AKNA: variants seen among roughly 807,000 people sequenced by gnomAD.
The protein encoded by AKNA is microtubule organization protein AKNA.
A neutral mutation model predicts 138.8 loss-of-function variants in AKNA; 67 were observed. The observed-to-expected ratio is 0.48, with a 90% CI of 0.40 to 0.59. The LOEUF is 0.59. AKNA is among the 20% of genes least tolerant of loss of function. The pLI is 0.00. For missense variants in AKNA, 1,813 were observed against 1,880.4 expected (o/e 0.96, Z 0.66); for synonymous variants, 737 against 754.4 (o/e 0.98, Z 0.38).
chr9:114,379,501 C>G (rs942656585), intron 2 of AKNA, among the ~76,000 whole-genome samples: 1 of 152,194 alleles, frequency 6.6e-6, no homozygotes, highest in African/African-American at 2.4e-5. Flanking sequence ...AATGGCTCCT[C>G]AGTGGGCAGT....
At chr9:114,331,633 C>T (rs1829853714), downstream of AKNA, 1 of 1,613,920 alleles carries the variant, frequency 6.2e-7, no homozygotes, top group Non-Finnish European at 8.5e-7. Context: ...ATGTTTGGTT[C>T]CTACCTGGAC....
chr9:114,350,869 C>T lies in AKNA; in HGVS notation c.3211G>A (p.Ala1071Thr). The T allele has an allele frequency of 6.4e-7, 1 of 1,574,574 alleles. No homozygotes were observed. Among genetic ancestry groups the T allele is most frequent in the Non-Finnish European group, 8.6e-7 (1 of 1,160,454 alleles). The change falls in exon 15 of 22, where the codon GCA becomes ACA. Residue 1071 changes from alanine (A) to threonine (T), a missense_variant. Ala to Thr is a moderately conservative substitution (Grantham distance 58). Transcript: ENST00000374088. ...AAGTGTCTAACTTACTCTCGCCCTGCCCTGGTGAGCAGGAAGCTGGGGATG... is the reference window on the plus strand; with the variant it reads ...AAGTGTCTAACTTACTCTCGCCCTGTCCTGGTGAGCAGGAAGCTGGGGATG... ...ETIPSFLLTR[A>T]GRDQAICELQ...
rs1363804067 is a variant in AKNA at position 114,337,204 on chromosome 9, G to A, written c.4170C>T (p.Leu1390=). 9 of 1,592,746 alleles carry A rather than the reference G, an allele frequency of 5.7e-6. No individual in the cohort carries two copies. Among genetic ancestry groups the A allele is most frequent in the Middle Eastern group, 1.7e-4 (1 of 5,946 alleles). Reference sequence around the variant, plus strand: ...TGAGCTCCTCTAGGTCGCCCAGGTCGAGCTGGATGGAGTGCCGGTGTCTCC... The same window carrying A: ...TGAGCTCCTCTAGGTCGCCCAGGTCAAGCTGGATGGAGTGCCGGTGTCTCC... ...PARRHRHSIQ[L]DLGDLEELNK... is the part of the protein sequence containing the mutation. The change falls in exon 22 of 22, where the codon CTC becomes CTT. Residue 1390 remains leucine, a synonymous_variant. Coordinates refer to ENST00000374088, the MANE Select transcript of AKNA (RefSeq NM_001317950.2).
chr9:114,341,651 AC>A lies in AKNA; in HGVS notation c.3948del (p.Ser1317ArgfsTer79). The A allele has an allele frequency of 5.0e-6, 8 of 1,608,886 alleles. No individual in the cohort carries two copies. The highest frequency in any genetic ancestry group is 6.8e-6 in the Non-Finnish European group (8 of 1,178,160). ...AGTCCGGGGGGTGGGCGTGGCGACGACCCCGCCTGCTTGCTCCTCTGCTTGG... is the reference window on the plus strand; with the variant it reads ...AGTCCGGGGGGTGGGCGTGGCGACGACCCGCCTGCTTGCTCCTCTGCTTGG... ...PSPKQRSKQA[G>X]SSPRPPPGLW... On this transcript the variant is annotated frameshift_variant, in exon 21 of 22. Transcript: ENST00000374088. LOFTEE classifies it high-confidence loss of function.
At chr9:114,357,887 G>A (rs1455375857) in intron 12 of AKNA, 34 bp downstream of exon 12, 1 of 1,588,566 alleles carries the variant, frequency 6.3e-7, no homozygotes. Context: ...ATGACCCTGA[G>A]GTTCTGGGCC....
In AKNA at chr9:114,364,581, G is replaced by A. The variant is rs1832203650; in HGVS notation, c.1767C>T (p.Leu589=). The change falls in exon 7 of 22, where the codon CTC becomes CTT. Residue 589 remains leucine, a synonymous_variant. Coordinates refer to ENST00000374088, the MANE Select transcript of AKNA (RefSeq NM_001317950.2). ...GTACCTTGACTTGGTCCTGGGGCAT[G>A]AGACGTCCTGCCTGTATCAGTCTTT... The part of the protein sequence containing the change: ...SFERLIQAGR[L]MPQDQVKGFQ... The A allele has an allele frequency of 1.2e-6, 2 of 1,613,844 alleles. No homozygotes were observed. Among genetic ancestry groups the A allele is most frequent in the African/African-American group, 1.3e-5 (1 of 74,934 alleles).
chr9:114,362,643 C>A lies in AKNA; in HGVS notation c.1789-110G>T. ...CGGGAGGCCATGGGATGCACCTGGG[C>A]CCCTGGGTTCATGCAAGATACAGGC... On this transcript the variant is annotated intron_variant, in intron 7 of 21. Transcript: ENST00000374088. 3 of 1,367,850 alleles carry A rather than the reference C, an allele frequency of 2.2e-6. No homozygotes were observed. In the South Asian group the frequency reaches 4.6e-5, roughly 21 times the overall value. 84.7% of individuals were successfully genotyped at this position (1,367,850 alleles called of 1,614,324 possible).
At chr9:114,330,993 C>G (rs536533540), downstream of AKNA, 105 of 698,334 alleles carry the variant, frequency 1.5e-4, 1 homozygote, top group South Asian at 1.4e-3. Flanking sequence ...TGAGCTCTTA[C>G]CACGTGCTCA....
chr9:114,347,464 C>T (rs1246998493), intron 16 of AKNA, among the ~76,000 whole-genome samples: 2 of 152,166 alleles, frequency 1.3e-5, no homozygotes, highest in Non-Finnish European at 2.9e-5. Flanking sequence ...GTCATCTTCC[C>T]GCCTCGGCCT....
intron 1 of AKNA, among the ~76,000 whole-genome samples, chr9:114,387,085 T>C (rs1323120454): frequency 6.6e-6 from 1 of 152,120 alleles, no homozygotes; most frequent in East Asian, 1.9e-4. Context: ...ACCGCAACTC[T>C]GAAACCAAGG....
In AKNA at chr9:114,342,065, A is replaced by G. The variant is rs1312362193; in HGVS notation, c.3818T>C (p.Leu1273Pro). 7 of 1,613,740 alleles carry G rather than the reference A, an allele frequency of 4.3e-6. No homozygotes were observed. The Admixed American group carries it at 5.0e-5, about 12-fold the overall frequency. Reference sequence around the variant, plus strand: ...TGGGGGAGACCCAACTTGACCACACAGGGGACACTGAAGGGTATCAGCGGG... The same window carrying G: ...TGGGGGAGACCCAACTTGACCACACGGGGGACACTGAAGGGTATCAGCGGG... The part of the protein sequence containing the change: ...PPPADTLQCP[L>P]CGQVGSPPEA... Residue 1273 changes from leucine to proline, a missense_variant, in exon 20 of 22, where the codon CTG becomes CCG. Transcript: ENST00000374088.
At chr9:114,332,318 C>T (rs533489982), downstream of AKNA, among the ~76,000 whole-genome samples, 4 of 152,274 alleles carry the variant, frequency 2.6e-5, no homozygotes, top group East Asian at 3.9e-4. Flanking sequence ...GGAATTGATA[C>T]TGTGGTTTTC....
Position 114,341,577 on chromosome 9 carries a change from G to C in AKNA, c.4023C>G (p.Ala1341=). 1 of 1,614,140 alleles carries C rather than the reference G, an allele frequency of 6.2e-7. No individual in the cohort carries two copies. Among genetic ancestry groups the C allele is most frequent in the Non-Finnish European group, 8.5e-7 (1 of 1,180,020 alleles). The part of the protein sequence containing the change: ...APPAPAPPAF[A]YISSVPIMPY... ...GCATGATGGGAACCGAGGAGATGTAGGCAAAGGCTGGAGGGGCTGGTGCTG... is the reference window on the plus strand; with the variant it reads ...GCATGATGGGAACCGAGGAGATGTACGCAAAGGCTGGAGGGGCTGGTGCTG... Residue 1341 remains alanine (A), a synonymous_variant, in exon 21 of 22, where the codon GCC becomes GCG. Coordinates refer to ENST00000374088, the MANE Select transcript of AKNA (RefSeq NM_001317950.2).
rs1364069463 is a variant in AKNA, at chr9:114,347,998, A to G, written c.3222-98T>C. 6 of 1,303,304 alleles carry G rather than the reference A, an allele frequency of 4.6e-6. No individual in the cohort carries two copies. In the East Asian group the frequency reaches 1.6e-4, roughly 35 times the overall value. 80.7% of individuals were successfully genotyped at this position (1,303,304 alleles called of 1,614,324 possible). On this transcript the variant is annotated intron_variant, in intron 15 of 21. Coordinates refer to ENST00000374088, the MANE Select transcript of AKNA (RefSeq NM_001317950.2). ...AGGATGCGGCAGCCTTTGTCCCTTC[A>G]CAGCAGGCACAGGGTCTATCTCTGC...
upstream of AKNA, among the ~76,000 whole-genome samples, chr9:114,396,995 C>G (rs1035058539): frequency 1.3e-5 from 2 of 152,232 alleles, no homozygotes; most frequent in Non-Finnish European, 2.9e-5. Context: ...TGGGACCATT[C>G]CCAGTCTCTC....
At chr9:114,341,979 G>T in intron 20 of AKNA, 30 bp downstream of exon 20, 2 of 1,583,806 alleles carry the variant, frequency 1.3e-6, no homozygotes, top group African/African-American at 1.3e-5. Context: ...TGAGGGTCTG[G>T]CTAAGAGAAG....
chr9:114,372,450 C>T (rs979445628), intron 4 of AKNA, among the ~76,000 whole-genome samples: 4 of 152,218 alleles, frequency 2.6e-5, no homozygotes, highest in Non-Finnish European at 5.9e-5. Context: ...AGAGGCCTGG[C>T]AGTAAACACC....
In AKNA at chr9:114,393,916, T is replaced by C. The variant is rs556713238; in HGVS notation, c.-114+441A>G. On this transcript the variant is annotated intron_variant, in intron 1 of 21. Coordinates refer to the AKNA transcript ENST00000307564. ...GGCCATGCGCCGTGGCTCACACCTGTAATCCCAGCATTTTGGGAGGCTGAG... is the reference window on the plus strand; with the variant it reads ...GGCCATGCGCCGTGGCTCACACCTGCAATCCCAGCATTTTGGGAGGCTGAG... Among the ~76,000 whole-genome samples, 9 of 152,298 alleles carry C rather than the reference T, an allele frequency of 5.9e-5. No individual in the cohort carries two copies. The South Asian group carries it at 1.9e-3, about 32-fold the overall frequency.
chr9:114,397,853 TC>T (rs1024199847), upstream of AKNA, among the ~76,000 whole-genome samples: 1 of 151,294 alleles, frequency 6.6e-6, no homozygotes, highest in Non-Finnish European at 1.5e-5. Context: ...TGTTCTACCT[TC>T]CCCCCCGCGA....
Sources: allele counts gnomAD v4.1 joint callset (sites outside exome capture counted in the v4.1 genomes callset), GRCh38; gene constraint gnomAD v4.1.1; transcripts MANE v1.5; gene names NCBI Gene and HGNC (gene_info 2026-07-23, HGNC 2026-07-21).